The following SMC3 variants were observed in gnomAD, a reference collection of about 807,000 sequenced individuals.
SMC3 encodes the protein structural maintenance of chromosomes 3.
In SMC3, 20 loss-of-function variants were observed where a neutral mutation model predicts 171.8. The ratio of observed to expected loss-of-function variants is 0.12; its 90% CI spans 0.08 to 0.17. The LOEUF (loss-of-function observed/expected upper bound fraction) is 0.17. SMC3 is among the 10% of genes least tolerant of loss of function. The probability of loss-of-function intolerance (pLI) is 1.00; values close to 1 mark genes in which losing one functional copy is unlikely to be tolerated. For synonymous variants in SMC3, 464 were observed against 451.1 expected, an observed-to-expected ratio of 1.03 and a Z score of -0.36; for missense variants, 543 against 1,420.4, an observed-to-expected ratio of 0.38 and a Z score of 9.93.
At chr10:110,601,222 G>A (rs1861382046) in intron 23 of SMC3, 92 bp downstream of exon 23, 1 of 931,294 alleles carries the variant, frequency 1.1e-6, no homozygotes, top group Admixed American at 1.8e-5. Context: ...AGAAGCATAT[G>A]CTAATGATTT....
At chr10:110,577,783 A>G in intron 5 of SMC3, 52 bp from the exon 6 acceptor site, 1 of 1,261,700 alleles carries the variant, frequency 7.9e-7, no homozygotes, top group Non-Finnish European at 1.1e-6. Context: ...TTATTTAAAA[A>G]GTTTTCTCCT....
chr10:110,589,233 C>CA (rs774867209), intron 13 of SMC3, among the ~76,000 whole-genome samples: 3 of 151,540 alleles, frequency 2.0e-5, no homozygotes, highest in Non-Finnish European at 4.4e-5. Context: ...ACTAAAAATA[C>CA]AAAAAACAAA....
In SMC3 at chr10:110,598,179, A is replaced by G. The variant is rs895823497; in HGVS notation, c.2157A>G (p.Gln719=). ...TTGATCAGTTGATGAACCAAATGCA[A>G]CAGATCGAGACCCAGCAAAGGAAAT... is the stretch of plus-strand genomic sequence containing the variant. The part of the protein sequence containing the change: ...NEIDQLMNQM[Q]QIETQQRKFK... Residue 719 remains glutamine (Q), a synonymous_variant, in exon 20 of 29, where the codon CAA becomes CAG. Transcript: ENST00000361804. 3 of 1,613,868 alleles carry G rather than the reference A, an allele frequency of 1.9e-6. No individual in the cohort carries two copies. Among genetic ancestry groups the G allele is most frequent in the African/African-American group, 2.7e-5 (2 of 74,930 alleles).
intron 17 of SMC3, 101 bp downstream of exon 17, chr10:110,591,233 A>AG: frequency 2.6e-6 from 3 of 1,164,772 alleles, no homozygotes; most frequent in Non-Finnish European, 3.8e-6. Flanking sequence ...ACTGGGATTC[A>AG]GTGGTGTATG....
At chr10:110,591,154 T>G (rs1861198806) in intron 17 of SMC3, 22 bp downstream of exon 17, 1 of 1,609,218 alleles carries the variant, frequency 6.2e-7, no homozygotes, top group Non-Finnish European at 8.5e-7. Context: ...TGTGATAAGG[T>G]GTATTTCTCT....
intron 13 of SMC3, among the ~76,000 whole-genome samples, chr10:110,587,524 A>C (rs1427669987): frequency 6.6e-6 from 1 of 152,060 alleles, no homozygotes; most frequent in Non-Finnish European, 1.5e-5. Flanking sequence ...TCTCTACTAA[A>C]AAATATAAAA....
intron 8 of SMC3, among the ~76,000 whole-genome samples, chr10:110,581,281 G>A (rs1486487448): frequency 6.8e-6 from 1 of 146,442 alleles, no homozygotes; most frequent in Non-Finnish European, 1.5e-5. Context: ...GCAGTGGCGC[G>A]ATCTCTGCTT....
rs1861302561 is a variant in SMC3 at position 110,596,506 on chromosome 10, A to G, written c.2072A>G (p.Glu691Gly). Residue 691 changes from glutamate to glycine, a missense_variant, in exon 19 of 29, where the codon GAA becomes GGA. Physicochemically the swap from Glu to Gly is moderately conservative, Grantham distance 98. This residue lies in a region of SMC3 where 218 missense variants were observed against 509.6 expected (regional missense o/e 0.43). Transcript: ENST00000361804. ...AGAAAAGCAGAAGAAGAACTAGGTG[A>G]ACTTGAAGCAAAGCTCAATGAAAAC... ...DVRKAEEELG[E>G]LEAKLNENLR... 1 of 1,614,032 alleles carries G rather than the reference A, an allele frequency of 6.2e-7. No individual in the cohort carries two copies. Among genetic ancestry groups the G allele is most frequent in the Admixed American group, 1.7e-5 (1 of 60,004 alleles).
At chr10:110,603,674 T>G (rs1435935671) in intron 28 of SMC3, among the ~76,000 whole-genome samples, 4 of 152,228 alleles carry the variant, frequency 2.6e-5, no homozygotes, top group Non-Finnish European at 4.4e-5. Context: ...TTTAGATGTT[T>G]AGGCATGATA....
chr10:110,582,162 C>T (rs1442351140), intron 9 of SMC3, 64 bp downstream of exon 9: 1 of 1,360,658 alleles, frequency 7.3e-7, no homozygotes, highest in African/African-American at 1.4e-5. Context: ...TTGTTAAACT[C>T]AGGCCATAAT....
chr10:110,568,143 C>G (rs1356450042), intron 1 of SMC3, among the ~76,000 whole-genome samples: 1 of 151,982 alleles, frequency 6.6e-6, no homozygotes, highest in Non-Finnish European at 1.5e-5. Context: ...CTGGGTGGCC[C>G]CAGAGCTGGC....
chr10:110,581,913 T>G lies in SMC3; in HGVS notation c.548-10T>G, dbSNP rs777113118. Reference sequence around the variant, plus strand: ...TCAATTCTTCCACCTCTCTCCCCATTTCTTTTAAGAGGGCAAACGGGAAAA... The same window carrying G: ...TCAATTCTTCCACCTCTCTCCCCATGTCTTTTAAGAGGGCAAACGGGAAAA... On this transcript the variant is annotated splice_polypyrimidine_tract_variant and intron_variant, in intron 8 of 28. Transcript: ENST00000361804. 14 of 1,589,874 alleles carry G rather than the reference T, an allele frequency of 8.8e-6. No individual in the cohort carries two copies. Among genetic ancestry groups the G allele is most frequent in the Non-Finnish European group, 1.1e-5 (13 of 1,159,658 alleles).
chr10:110,571,607 T>G (rs1310897571), intron 2 of SMC3, among the ~76,000 whole-genome samples: 1 of 152,214 alleles, frequency 6.6e-6, no homozygotes, highest in Non-Finnish European at 1.5e-5. Context: ...AGTACCTGAA[T>G]GTACTCCCAA....
intron 13 of SMC3, among the ~76,000 whole-genome samples, chr10:110,589,024 A>G (rs772915707): frequency 2.6e-5 from 4 of 151,944 alleles, no homozygotes; most frequent in Non-Finnish European, 5.9e-5. Flanking sequence ...ACTTTTAGCA[A>G]CATGTTTTAT....
chr10:110,604,551 C>T lies in SMC3; in HGVS notation c.*249C>T. 2.3e-6 allele frequency: 1 copy of T among 432,782 alleles called. No individual in the cohort carries two copies. The highest frequency in any genetic ancestry group is 2.6e-5 in the South Asian group (1 of 38,480). The allele number at this position is 432,782 out of a possible 1,614,324, so 26.8% of individuals were successfully genotyped here. A position where few individuals can be genotyped will look rare whatever the true frequency, so the allele number is the denominator to read the frequency against. ...TGCTCCTATTTTAAATGTTTTGAAACATGCTAAATATTCTTTCCTAATTAT... is the reference window on the plus strand; with the variant it reads ...TGCTCCTATTTTAAATGTTTTGAAATATGCTAAATATTCTTTCCTAATTAT... On this transcript the variant is annotated 3_prime_UTR_variant, in exon 29 of 29. Transcript: ENST00000361804.
intron 9 of SMC3, 56 bp downstream of exon 9, chr10:110,582,154 GT>G: frequency 1.4e-6 from 2 of 1,414,988 alleles, no homozygotes. Context: ...TTATGAATTT[GT>G]TAAACTCAGG....
intron 18 of SMC3, among the ~76,000 whole-genome samples, chr10:110,594,309 GGTT>G (rs1226733000): frequency 2.0e-5 from 3 of 151,366 alleles, no homozygotes; most frequent in East Asian, 1.9e-4. Context: ...GTATTCGCAT[GGTT>G]ATTATTTTAA....
chr10:110,599,725 A>G lies in SMC3; in HGVS notation c.2340A>G (p.Glu780=). 6.2e-7 allele frequency: 1 copy of G among 1,614,040 alleles called. No homozygotes were observed. The highest frequency in any genetic ancestry group is 8.5e-7 in the Non-Finnish European group (1 of 1,179,872). The part of the protein sequence containing the change: ...MESTRESLKA[E]LGTDLLSQLS... ...CTACCAGAGAGTCATTGAAAGCAGAACTGGGAACTGATTTGCTTTCTCAAC... is the reference window on the plus strand; with the variant it reads ...CTACCAGAGAGTCATTGAAAGCAGAGCTGGGAACTGATTTGCTTTCTCAAC... The change falls in exon 21 of 29, where the codon GAA becomes GAG. Residue 780 remains glutamate, a synonymous_variant. Coordinates refer to ENST00000361804, the MANE Select transcript of SMC3 (RefSeq NM_005445.4).
chr10:110,599,734 T>A lies in SMC3; in HGVS notation c.2349T>A (p.Thr783=). Residue 783 remains threonine, a synonymous_variant, in exon 21 of 29, where the codon ACT becomes ACA. Transcript: ENST00000361804. ...AGTCATTGAAAGCAGAACTGGGAAC[T>A]GATTTGCTTTCTCAACTGAGTTTGG... ...TRESLKAELG[T]DLLSQLSLED... 1 of 1,614,022 alleles carries A rather than the reference T, an allele frequency of 6.2e-7. No homozygotes were observed. Among genetic ancestry groups the A allele is most frequent in the Non-Finnish European group, 8.5e-7 (1 of 1,179,914 alleles).
Sources: gnomAD v4.1 joint callset for allele counts (sites outside exome capture counted in the v4.1 genomes callset) on GRCh38, gnomAD v4.1.1 for gene constraint, gnomAD v4.1.1 regional missense constraint, MANE v1.5 for transcripts, NCBI Gene and HGNC (gene_info 2026-07-23, HGNC 2026-07-21) for gene names.